The following CDC123 variants were observed in gnomAD, a reference collection of about 807,000 sequenced individuals.
CDC123 encodes the protein translation initiation factor eIF2 assembly protein.
A neutral mutation model predicts 54.4 loss-of-function variants in CDC123; 37 were observed. The ratio of observed to expected loss-of-function variants is 0.68; its 90% confidence interval spans 0.52 to 0.89. The LOEUF (loss-of-function observed/expected upper bound fraction) is 0.89. Among genes scored for constraint, CDC123 ranks in the 40% least tolerant of loss-of-function variants. The pLI is 0.00. For synonymous variants in CDC123, 144 were observed against 136.8 expected, an observed-to-expected ratio of 1.05 and a Z score of -0.37; for missense variants, 361 against 412.1, an observed-to-expected ratio of 0.88 and a Z score of 1.07.
At chr10:12,210,076 T>A in intron 3 of CDC123, 52 bp downstream of exon 3, 1 of 1,575,828 alleles carries the variant, frequency 6.3e-7, no homozygotes, top group Non-Finnish European at 8.7e-7. Flanking sequence ...ATTTAAATGA[T>A]CTCTGAGATG....
At chr10:12,227,008 C>G (rs1428954801) in intron 6 of CDC123, among the ~76,000 whole-genome samples, 6 of 152,182 alleles carry the variant, frequency 3.9e-5, no homozygotes, top group African/African-American at 1.4e-4. Context: ...AATCCCGGCA[C>G]TTTGGGAGGC....
intron 6 of CDC123, among the ~76,000 whole-genome samples, chr10:12,223,986 C>G (rs530536713): frequency 6.6e-6 from 1 of 152,160 alleles, no homozygotes; most frequent in Non-Finnish European, 1.5e-5. Context: ...ACACTGTACC[C>G]AACGTGTAGT....
intron 7 of CDC123, among the ~76,000 whole-genome samples, chr10:12,232,994 C>T (rs900830509): frequency 1.2e-4 from 18 of 151,912 alleles, no homozygotes; most frequent in African/African-American, 4.1e-4. Context: ...CTCCTGACCT[C>T]GTGATCCGTC....
intron 2 of CDC123, among the ~76,000 whole-genome samples, chr10:12,206,336 A>G (rs555811180): frequency 2.0e-4 from 31 of 152,358 alleles, no homozygotes; most frequent in African/African-American, 7.0e-4. Flanking sequence ...GTTAAAGATA[A>G]TGTTGCATTT....
chr10:12,219,811 A>C (rs35674932), intron 6 of CDC123, among the ~76,000 whole-genome samples: 1 of 151,562 alleles, frequency 6.6e-6, no homozygotes, highest in Non-Finnish European at 1.5e-5. Context: ...CAGCCTCCCA[A>C]GTAGCTGGGA....
chr10:12,232,622 C>G (rs1249645580), intron 7 of CDC123, among the ~76,000 whole-genome samples: 1 of 152,048 alleles, frequency 6.6e-6, no homozygotes, highest in Admixed American at 6.6e-5. Context: ...ATTTTTTCCC[C>G]TCACTTAATA....
intron 10 of CDC123, among the ~76,000 whole-genome samples, chr10:12,239,538 C>T (rs1004804365): frequency 6.6e-6 from 1 of 151,418 alleles, no homozygotes; most frequent in East Asian, 1.9e-4. Flanking sequence ...CATGGAGAAA[C>T]CCTGTCTCTA....
chr10:12,213,082 A>G (rs1835623770), intron 4 of CDC123, among the ~76,000 whole-genome samples: 2 of 152,254 alleles, frequency 1.3e-5, no homozygotes, highest in Admixed American at 6.5e-5. Context: ...AGGAATTACT[A>G]TTTGGCAACC....
At chr10:12,234,088 A>ATATTT (rs1007091726) in intron 7 of CDC123, among the ~76,000 whole-genome samples, 1 of 151,892 alleles carries the variant, frequency 6.6e-6, no homozygotes, top group African/African-American at 2.4e-5. Flanking sequence ...TTATTTTACT[A>ATATTT]TATTTTATTT....
intron 10 of CDC123, among the ~76,000 whole-genome samples, chr10:12,238,946 C>T (rs904769740): frequency 1.7e-4 from 25 of 151,444 alleles, no homozygotes; most frequent in East Asian, 5.9e-4. Flanking sequence ...GCGGAGATCA[C>T]GCCATTGTGC....
chr10:12,210,015 A>G lies in CDC123; in HGVS notation c.195A>G (p.Glu65=). ...AGCCAGACAGTGATGATGAAGCAGA[A>G]GAAATACAGGTTGGTACCAAATAAA... ...HSQPDSDDEA[E]EIQWSDDENT... Residue 65 remains glutamate (E), a synonymous_variant, in exon 3 of 13, where the codon GAA becomes GAG. Coordinates refer to ENST00000281141, the MANE Select transcript of CDC123 (RefSeq NM_006023.3). The G allele has an allele frequency of 6.2e-7, 1 of 1,614,164 alleles. No individual in the cohort carries two copies. Among genetic ancestry groups the G allele is most frequent in the Non-Finnish European group, 8.5e-7 (1 of 1,179,970 alleles).
At chr10:12,196,695 A>C (rs1390356099) in intron 1 of CDC123, among the ~76,000 whole-genome samples, 2 of 152,222 alleles carry the variant, frequency 1.3e-5, no homozygotes, top group Non-Finnish European at 2.9e-5. Context: ...AGGTGAAAGG[A>C]TACGTAATTA....
intron 6 of CDC123, among the ~76,000 whole-genome samples, chr10:12,225,388 T>C (rs924240903): frequency 6.6e-6 from 1 of 152,142 alleles, no homozygotes; most frequent in African/African-American, 2.4e-5. Flanking sequence ...AGTGAGACTC[T>C]GTCTCAAAAA....
At chr10:12,237,072 G>A in intron 8 of CDC123, 72 bp from the exon 9 acceptor site, 3 of 1,420,348 alleles carry the variant, frequency 2.1e-6, no homozygotes, top group Non-Finnish European at 2.8e-6. Context: ...TCCACAAAAT[G>A]TTTAAATCAC....
intron 6 of CDC123, among the ~76,000 whole-genome samples, chr10:12,223,016 C>T (rs1444690282): frequency 3.3e-5 from 5 of 152,012 alleles, no homozygotes; most frequent in African/African-American, 9.7e-5. Context: ...CTCAGCCTCC[C>T]GAGTAGCTGG....
chr10:12,212,924 A>G (rs941804523), intron 4 of CDC123, among the ~76,000 whole-genome samples: 6 of 152,254 alleles, frequency 3.9e-5, no homozygotes, highest in Non-Finnish European at 7.3e-5. Flanking sequence ...TGTGAAGTAT[A>G]AGAATAGGTT....
chr10:12,221,672 A>G (rs1318979508), intron 6 of CDC123, among the ~76,000 whole-genome samples: 6 of 151,782 alleles, frequency 4.0e-5, no homozygotes, highest in African/African-American at 1.2e-4. Flanking sequence ...ACTTTCAAAC[A>G]TCGTAAGATT....
At position 12,200,207 on chromosome 10, in the gene CDC123, A is replaced by G. The variant is rs138166154; in HGVS notation, c.146+1431A>G. Among the ~76,000 whole-genome samples the G allele has an allele frequency of 7.1e-3, 1,021 of 143,056 alleles. 20 individuals are homozygous for G. Among genetic ancestry groups the G allele is most frequent in the African/African-American group, 0.025 (941 of 38,212 alleles). 93.9% of individuals were successfully genotyped at this position (143,056 alleles called of 152,430 possible). ...AGTGGCTCAATCTCAGCTCACTGCA[A>G]TCTCTGCCTCCCAGGTTCAAGTGAT... On this transcript the variant is annotated intron_variant, in intron 2 of 12. Transcript: ENST00000281141.
intron 6 of CDC123, among the ~76,000 whole-genome samples, chr10:12,218,872 T>C (rs1835695903): frequency 6.6e-6 from 1 of 152,222 alleles, no homozygotes; most frequent in Non-Finnish European, 1.5e-5. Flanking sequence ...GCAGGTGCTC[T>C]CTTTATGCTT....
Sources: gnomAD v4.1 joint callset for allele counts (sites outside exome capture counted in the v4.1 genomes callset) on GRCh38, gnomAD v4.1.1 for gene constraint, MANE v1.5 for transcripts, NCBI Gene and HGNC (gene_info 2026-07-23, HGNC 2026-07-21) for gene names.